ADGRB3: variants seen among roughly 807,000 people sequenced by gnomAD.
ADGRB3 encodes adhesion G protein-coupled receptor B3.
A neutral mutation model predicts 193.4 loss-of-function variants in ADGRB3; 37 were observed. The ratio of observed to expected loss-of-function variants is 0.19; its 90% CI spans 0.15 to 0.25. ADGRB3 has a LOEUF of 0.25. Among genes scored for constraint, ADGRB3 ranks in the 10% least tolerant of loss-of-function variants. The pLI, the probability that ADGRB3 is intolerant of heterozygous loss-of-function variation, is 1.00. For missense variants in ADGRB3, 1,637 were observed against 1,852.9 expected (o/e 0.88, Z 2.14); for synonymous variants, 690 against 644.2 (o/e 1.07, Z -1.08).
chr6:68,807,618 A>C (rs753241843), intron 3 of ADGRB3, among the ~76,000 whole-genome samples: 25 of 152,212 alleles, frequency 1.6e-4, no homozygotes, highest in Admixed American at 4.6e-4. Flanking sequence ...TCCAACATAA[A>C]AATAGAAGCA....
intron 17 of ADGRB3, among the ~76,000 whole-genome samples, chr6:69,214,373 C>T (rs1765731455): frequency 6.6e-6 from 1 of 152,136 alleles, no homozygotes; most frequent in African/African-American, 2.4e-5. Context: ...GCTTGACCCA[C>T]TGTAGAGTTA....
rs57616226 is a variant in ADGRB3, at chr6:69,069,553, CAAAA to C, written c.2437-6417_2437-6414del. ...TGAAACCCCGTCTCTACTAAAAATA[CAAAA>C]AAAAAAAAAAAAAAAAAAAAAAAAT... On this transcript the variant is annotated intron_variant, in intron 16 of 31. Coordinates refer to ENST00000370598, the MANE Select transcript of ADGRB3 (RefSeq NM_001704.3). Among the ~76,000 whole-genome samples the C allele has an allele frequency of 5.0e-4, 16 of 31,782 alleles. No homozygotes were observed. In the East Asian group the frequency reaches 0.014, roughly 28 times the overall value. 20.9% of individuals were successfully genotyped at this position (31,782 alleles called of 152,430 possible).
At position 68,935,538 on chromosome 6, in the gene ADGRB3, A is replaced by T. The variant is rs192594949; in HGVS notation, c.869-981A>T. ...GTTTTCAGAAACATTTCACCTACAA[A>T]TTTTTTTTCAATGACTAAATGGTTA... On this transcript the variant is annotated intron_variant, in intron 4 of 31. Coordinates refer to ENST00000370598, the MANE Select transcript of ADGRB3 (RefSeq NM_001704.3). 8.9e-3 allele frequency among the ~76,000 whole-genome samples: 1,352 copies of T among 152,138 alleles called. 12 individuals carry two copies. The highest frequency in any genetic ancestry group is 0.013 in the Non-Finnish European group (863 of 67,968).
chr6:69,228,831 A>G (rs1216817668), intron 17 of ADGRB3, among the ~76,000 whole-genome samples: 2 of 152,130 alleles, frequency 1.3e-5, no homozygotes, highest in Non-Finnish European at 2.9e-5. Flanking sequence ...GAAATGAAAA[A>G]CCCAGCTTTG....
Position 68,936,114 on chromosome 6 carries a change from C to A in ADGRB3, c.869-405C>A, listed in dbSNP as rs540931633. Among the ~76,000 whole-genome samples, 4 of 152,272 alleles carry A rather than the reference C, an allele frequency of 2.6e-5. No individual in the cohort carries two copies. In the East Asian group the frequency reaches 7.7e-4, roughly 29 times the overall value. On this transcript the variant is annotated intron_variant, in intron 4 of 31. Coordinates refer to ENST00000370598, the MANE Select transcript of ADGRB3 (RefSeq NM_001704.3). ...TGCAATAAAGGACTAAGGAGGAACACATCAATATATTCCTGCCGCCAAAGC... is the reference window on the plus strand; with the variant it reads ...TGCAATAAAGGACTAAGGAGGAACAAATCAATATATTCCTGCCGCCAAAGC...
At chr6:69,212,944 T>C (rs1383787200) in intron 17 of ADGRB3, among the ~76,000 whole-genome samples, 2 of 152,104 alleles carry the variant, frequency 1.3e-5, no homozygotes, top group East Asian at 1.9e-4. Context: ...GGAAAAAATA[T>C]TATCTTTTGC....
intron 17 of ADGRB3, among the ~76,000 whole-genome samples, chr6:69,089,894 G>C (rs1346339364): frequency 6.6e-6 from 1 of 152,136 alleles, no homozygotes; most frequent in Non-Finnish European, 1.5e-5. Flanking sequence ...TGTTCGTGAG[G>C]GTGGGGAGAG....
rs760336142 is a variant in ADGRB3, at chr6:69,330,606, A to AG, written c.3102+36dup. On this transcript the variant is annotated intron_variant, in intron 23 of 31. Coordinates refer to ENST00000370598, the MANE Select transcript of ADGRB3 (RefSeq NM_001704.3). ...CAAAATCAACCTATTTTGTTTTCTTAGGAAAAAAAAAAAAGACTACTTTCT... is the reference window on the plus strand; with the variant it reads ...CAAAATCAACCTATTTTGTTTTCTTAGGGAAAAAAAAAAAAGACTACTTTCT... The AG allele has an allele frequency of 2.6e-6, 4 of 1,534,296 alleles. No homozygotes were observed. In the African/African-American group the frequency reaches 4.2e-5, roughly 16 times the overall value.
chr6:69,294,039 G>A (rs768785142), intron 20 of ADGRB3, among the ~76,000 whole-genome samples: 1 of 152,068 alleles, frequency 6.6e-6, no homozygotes, highest in Non-Finnish European at 1.5e-5. Flanking sequence ...TAATCTCTTG[G>A]ATGTATCACT....
chr6:69,169,738 A>G (rs1775225585), intron 17 of ADGRB3, among the ~76,000 whole-genome samples: 1 of 152,098 alleles, frequency 6.6e-6, no homozygotes, highest in Non-Finnish European at 1.5e-5. Flanking sequence ...TTCTATAACT[A>G]TTGGTTCCCA....
At chr6:69,008,258 GTAACCC>G (rs1769825459) in intron 11 of ADGRB3, among the ~76,000 whole-genome samples, 2 of 152,128 alleles carry the variant, frequency 1.3e-5, no homozygotes, top group Non-Finnish European at 2.9e-5. Flanking sequence ...AACGAGGGAA[GTAACCC>G]TCATATGTCT....
intron 3 of ADGRB3, among the ~76,000 whole-genome samples, chr6:68,683,792 T>C (rs908351218): frequency 2.9e-4 from 44 of 152,132 alleles, no homozygotes; most frequent in African/African-American, 1.0e-3. Flanking sequence ...ATTATACCTT[T>C]ACGGCAGTGT....
At chr6:69,157,812 T>G (rs1774884841) in intron 17 of ADGRB3, among the ~76,000 whole-genome samples, 2 of 151,862 alleles carry the variant, frequency 1.3e-5, no homozygotes, top group South Asian at 4.2e-4. Flanking sequence ...CTTATGACAA[T>G]AAAAGAAGTC....
chr6:68,810,701 T>G (rs1405570399), intron 3 of ADGRB3, among the ~76,000 whole-genome samples: 1 of 151,892 alleles, frequency 6.6e-6, no homozygotes, highest in Non-Finnish European at 1.5e-5. Context: ...TAGGTCACAA[T>G]GAGGTTAAAA....
At chr6:69,180,665 A>G (rs1051990006) in intron 17 of ADGRB3, among the ~76,000 whole-genome samples, 8 of 152,232 alleles carry the variant, frequency 5.3e-5, no homozygotes, top group South Asian at 2.1e-4. Flanking sequence ...GTCTTAGTCC[A>G]GGAGAAACTG....
chr6:68,926,362 T>C (rs901159498), intron 3 of ADGRB3, among the ~76,000 whole-genome samples: 1 of 152,120 alleles, frequency 6.6e-6, no homozygotes, highest in Non-Finnish European at 1.5e-5. Flanking sequence ...TTATGTTTAG[T>C]TAATGAGGAG....
At chr6:68,687,550 T>C (rs1183666722) in intron 3 of ADGRB3, among the ~76,000 whole-genome samples, 1 of 152,170 alleles carries the variant, frequency 6.6e-6, no homozygotes, top group East Asian at 1.9e-4. Flanking sequence ...GAGCTAGGTA[T>C]CTTCTTTTCA....
intron 19 of ADGRB3, among the ~76,000 whole-genome samples, chr6:69,236,824 C>G (rs2127259162): frequency 6.6e-6 from 1 of 152,016 alleles, no homozygotes; most frequent in East Asian, 1.9e-4. Flanking sequence ...TCAAGAAAGT[C>G]ACTACTACAA....
At chr6:68,666,117 T>C (rs1582109143) in intron 3 of ADGRB3, among the ~76,000 whole-genome samples, 1 of 151,904 alleles carries the variant, frequency 6.6e-6, no homozygotes, top group Admixed American at 6.6e-5. Context: ...AAATATCTCA[T>C]AGACAAGATC....
Sources: gnomAD v4.1 joint callset for allele counts (sites outside exome capture counted in the v4.1 genomes callset) on GRCh38, gnomAD v4.1.1 for gene constraint, MANE v1.5 for transcripts, NCBI Gene and HGNC (gene_info 2026-07-23, HGNC 2026-07-21) for gene names.